The following MICAL3 variants were observed in gnomAD, a reference collection of about 807,000 sequenced individuals.
MICAL3 encodes the protein microtubule associated monooxygenase, calponin and LIM domain containing 3.
MICAL3 carries 62 observed loss-of-function variants against 207.4 expected under a neutral mutation model. That is an observed-to-expected ratio of 0.30 (90% confidence interval 0.24 to 0.37). The LOEUF is 0.37. MICAL3 is among the 10% of genes least tolerant of loss of function. The pLI, the probability that MICAL3 is intolerant of heterozygous loss-of-function variation, is 1.00. For missense variants in MICAL3, 2,368 were observed against 2,635.6 expected, an observed-to-expected ratio of 0.90 and a Z score of 2.22; for synonymous variants, 1,077 against 1,069.3, an observed-to-expected ratio of 1.01 and a Z score of -0.14.
At chr22:17,869,053 G>A (rs1927454763) in intron 17 of MICAL3, among the ~76,000 whole-genome samples, 1 of 152,200 alleles carries the variant, frequency 6.6e-6, no homozygotes, top group African/African-American at 2.4e-5. Flanking sequence ...AGACCAGGGG[G>A]TGTGCTCCAG....
chr22:17,952,531 G>A (rs983429414), intron 1 of MICAL3, among the ~76,000 whole-genome samples: 20 of 152,250 alleles, frequency 1.3e-4, no homozygotes, highest in African/African-American at 4.6e-4. Flanking sequence ...AGAGGCTCAG[G>A]AAGCAGCCAA....
At chr22:17,854,013 G>T (rs927431605) in intron 19 of MICAL3, among the ~76,000 whole-genome samples, 1 of 152,168 alleles carries the variant, frequency 6.6e-6, no homozygotes, top group Non-Finnish European at 1.5e-5. Context: ...CACTGTTCAG[G>T]ATCACTTTTC....
Position 17,797,607 on chromosome 22 carries a change from C to T in MICAL3, c.5651-6306G>A, listed in dbSNP as rs551571138. On this transcript the variant is annotated intron_variant, in intron 29 of 31. Transcript: ENST00000441493. ...TGTGGCGGTGGGTGCTGGCTTGATG[C>T]TCTGCATTTCCGACTCAATCATTCA... Among the ~76,000 whole-genome samples, 17 of 152,284 alleles carry T rather than the reference C, an allele frequency of 1.1e-4. No individual in the cohort carries two copies. In the East Asian group the frequency reaches 3.3e-3, roughly 29 times the overall value.
chr22:17,832,602 C>T (rs1922922939), intron 20 of MICAL3, among the ~76,000 whole-genome samples: 1 of 152,210 alleles, frequency 6.6e-6, no homozygotes, highest in Non-Finnish European at 1.5e-5. Context: ...GGGCAGTGGA[C>T]TCATTCTGAT....
chr22:17,825,603 C>G (rs555398060), intron 22 of MICAL3, among the ~76,000 whole-genome samples: 1 of 152,344 alleles, frequency 6.6e-6, no homozygotes, highest in African/African-American at 2.4e-5. Flanking sequence ...CAGGGACAGG[C>G]TGCTGAAGCC....
In MICAL3 at chr22:18,005,330, C is replaced by T. The variant is rs993978820; in HGVS notation, c.-75+18951G>A. Reference sequence around the variant, plus strand: ...TGAGGAGAGTTGGTAGAAGTCTATTCACAGATGAGGAAGGAAACTACAGCT... The same window carrying T: ...TGAGGAGAGTTGGTAGAAGTCTATTTACAGATGAGGAAGGAAACTACAGCT... On this transcript the variant is annotated intron_variant, in intron 1 of 31. Transcript: ENST00000441493. 5.3e-5 allele frequency: 8 copies of T among 152,136 alleles called. No individual in the cohort carries two copies. The South Asian group carries it at 8.3e-4, about 16-fold the overall frequency. The allele number at this position is 152,136 out of a possible 1,614,324, so 9.4% of individuals were successfully genotyped here.
At chr22:17,854,346 G>A (rs1925673002) in intron 19 of MICAL3, among the ~76,000 whole-genome samples, 1 of 152,160 alleles carries the variant, frequency 6.6e-6, no homozygotes, top group Non-Finnish European at 1.5e-5. Flanking sequence ...CTGGGCTGGA[G>A]AAGCCCTGGC....
chr22:17,930,402 T>C (rs1933184439), intron 1 of MICAL3, among the ~76,000 whole-genome samples: 2 of 152,098 alleles, frequency 1.3e-5, no homozygotes, highest in Non-Finnish European at 2.9e-5. Context: ...ATTGGAAACA[T>C]TCAAATGACC....
chr22:17,810,970 G>C, intron 27 of MICAL3, 157 bp from the exon 28 acceptor site: 1 of 605,374 alleles, frequency 1.7e-6, no homozygotes, highest in South Asian at 1.9e-5. Flanking sequence ...TAGAGTGCTA[G>C]CAGGACGGGG....
At chr22:17,931,321 A>G (rs1241917087) in intron 1 of MICAL3, among the ~76,000 whole-genome samples, 2 of 152,218 alleles carry the variant, frequency 1.3e-5, no homozygotes, top group Admixed American at 1.3e-4. Flanking sequence ...CAAAAGCCCC[A>G]CAAGGGTATC....
intron 1 of MICAL3, among the ~76,000 whole-genome samples, chr22:17,954,719 T>C (rs2146367774): frequency 6.6e-6 from 1 of 151,788 alleles, no homozygotes; most frequent in East Asian, 1.9e-4. Flanking sequence ...CAGAGGCAAG[T>C]GAGTCAAACA....
intron 17 of MICAL3, among the ~76,000 whole-genome samples, chr22:17,870,236 C>A (rs1465048033): frequency 6.6e-6 from 1 of 152,150 alleles, no homozygotes; most frequent in South Asian, 2.1e-4. Flanking sequence ...CCACCAGGTG[C>A]GCACCTCTGC....
intron 16 of MICAL3, chr22:17,875,589 A>T: frequency 7.2e-7 from 1 of 1,395,592 alleles, no homozygotes; most frequent in Non-Finnish European, 9.8e-7. Context: ...ACAAAAGTAA[A>T]GGAAATGTTA....
chr22:17,791,005 T>G lies in MICAL3; in HGVS notation c.5817A>C (p.Ala1939=), dbSNP rs763962968. 1 of 1,612,448 alleles carries G rather than the reference T, an allele frequency of 6.2e-7. No individual in the cohort carries two copies. Among genetic ancestry groups the G allele is most frequent in the Non-Finnish European group, 8.5e-7 (1 of 1,179,774 alleles). The change falls in exon 31 of 32, where the codon GCA becomes GCC. Residue 1939 remains alanine (A), a synonymous_variant. Coordinates refer to ENST00000441493, the MANE Select transcript of MICAL3 (RefSeq NM_015241.3). ...GTGCCTTACCCCACTCACCTTCCAC[T>G]GCCATGCGTTCCCGGAGCTCCTGCT... ...RLQQELRERM[A]VEDHLKTEEE...
At chr22:17,845,736 C>T (rs4819470) in intron 19 of MICAL3, among the ~76,000 whole-genome samples, 1 of 152,190 alleles carries the variant, frequency 6.6e-6, no homozygotes, top group African/African-American at 2.4e-5. Context: ...AGACTTACAA[C>T]AAGAAGAAAA....
chr22:17,828,561 C>T (rs1601991122), intron 21 of MICAL3, among the ~76,000 whole-genome samples: 1 of 152,122 alleles, frequency 6.6e-6, no homozygotes, highest in Admixed American at 6.5e-5. Flanking sequence ...ATTTCACAGG[C>T]GAGAATGAGA....
In MICAL3 at chr22:17,900,626, G is replaced by A. The variant is rs1041927188; in HGVS notation, c.847+216C>T. On this transcript the variant is annotated intron_variant, in intron 6 of 31. Coordinates refer to ENST00000441493, the MANE Select transcript of MICAL3 (RefSeq NM_015241.3). This position sits in a 1 kb window ranked among gnomAD's most constrained non-coding sequence, Gnocchi z 4.0. ...CAAACAAAAAACAAAACCCAGAGCCGCCCAGTCACTGTGAGGAGGTTAAGA... is the reference window on the plus strand; with the variant it reads ...CAAACAAAAAACAAAACCCAGAGCCACCCAGTCACTGTGAGGAGGTTAAGA... 6.6e-5 allele frequency among the ~76,000 whole-genome samples: 10 copies of A among 152,080 alleles called. No individual in the cohort carries two copies. Among genetic ancestry groups the A allele is most frequent in the African/African-American group, 7.2e-5 (3 of 41,416 alleles).
intron 1 of MICAL3, among the ~76,000 whole-genome samples, chr22:17,989,855 A>G (rs1921463680): frequency 6.6e-6 from 1 of 152,180 alleles, no homozygotes; most frequent in Non-Finnish European, 1.5e-5. Context: ...GATTTTCAAG[A>G]AGTAATAGTT....
At chr22:17,931,277 T>C (rs1467315177) in intron 1 of MICAL3, among the ~76,000 whole-genome samples, 1 of 152,200 alleles carries the variant, frequency 6.6e-6, no homozygotes, top group Non-Finnish European at 1.5e-5. Context: ...TTATAAAATG[T>C]ATGTTATACC....
Sources: allele counts gnomAD v4.1 joint callset (sites outside exome capture counted in the v4.1 genomes callset), GRCh38; gene constraint gnomAD v4.1.1; non-coding constraint Gnocchi (gnomAD v3.1); transcripts MANE v1.5; gene names NCBI Gene and HGNC (gene_info 2026-07-23, HGNC 2026-07-21).